The following ELP4 variants were observed in gnomAD, a reference collection of about 807,000 sequenced individuals.
The protein encoded by ELP4 is elongator complex protein 4.
A neutral mutation model predicts 48.9 loss-of-function variants in ELP4; 51 were observed. The observed-to-expected ratio is 1.04, with a 90% CI of 0.83 to 1.32. ELP4 has a LOEUF of 1.32. Ranked by LOEUF, ELP4 falls within the 40% of genes most tolerant of loss-of-function variation. ELP4 has a pLI of 0.00. For synonymous variants in ELP4, 210 were observed against 189.2 expected, an observed-to-expected ratio of 1.11 and a Z score of -0.90; for missense variants, 519 against 514.6, an observed-to-expected ratio of 1.01 and a Z score of -0.08.
At chr11:31,749,268 A>G (rs1395574293) in intron 9 of ELP4, among the ~76,000 whole-genome samples, 1 of 152,256 alleles carries the variant, frequency 6.6e-6, no homozygotes, top group Non-Finnish European at 1.5e-5. Flanking sequence ...GGATGCAGTT[A>G]TCTTAAGTGT....
intron 9 of ELP4, among the ~76,000 whole-genome samples, chr11:31,773,174 G>T (rs1373623651): frequency 1.3e-5 from 2 of 152,208 alleles, no homozygotes; most frequent in Non-Finnish European, 2.9e-5. Context: ...TGCCAATACA[G>T]TTTCCTCAGG....
In ELP4 at chr11:31,603,829, A is replaced by C; in HGVS notation, c.575A>C (p.Gln192Pro). 1.2e-6 allele frequency: 2 copies of C among 1,611,612 alleles called. No homozygotes were observed. The highest frequency in any genetic ancestry group is 1.7e-6 in the Non-Finnish European group (2 of 1,178,312). ...HYYDASKRMP[Q>P]ELIEASNWHG... ...TATGATGCATCAAAAAGAATGCCACAAGAACTAATTGAGGCTTCAAATTGG... is the reference window on the plus strand; with the variant it reads ...TATGATGCATCAAAAAGAATGCCACCAGAACTAATTGAGGCTTCAAATTGG... Residue 192 changes from glutamine (Q) to proline (P), a missense_variant, in exon 5 of 10, where the codon CAA (glutamine) becomes CCA (proline). Physicochemically the swap from Gln to Pro is moderately conservative, Grantham distance 76. Coordinates refer to ENST00000640961, the MANE Select transcript of ELP4 (RefSeq NM_019040.5).
chr11:31,560,674 T>C (rs1295753362), intron 3 of ELP4, among the ~76,000 whole-genome samples: 5 of 67,994 alleles, frequency 7.4e-5, no homozygotes, highest in Non-Finnish European at 1.7e-4. Context: ...TTTTCTATTA[T>C]AAAGACCACA....
rs192560790 is a variant in ELP4 at position 31,711,642 on chromosome 11, T to A, written c.1143+61421T>A. Among the ~76,000 whole-genome samples, 297 of 152,258 alleles carry A rather than the reference T, an allele frequency of 2.0e-3. 1 individual carries two copies. Among genetic ancestry groups the A allele is most frequent in the African/African-American group, 6.8e-3 (282 of 41,562 alleles). ...TATGTGTATAGATTTAGAAAGCTTA[T>A]GATGATAAAGATAAATATGTACCTC... On this transcript the variant is annotated intron_variant, in intron 9 of 9. Transcript: ENST00000640961.
chr11:31,554,308 T>C (rs1956896952), intron 3 of ELP4, among the ~76,000 whole-genome samples: 1 of 152,188 alleles, frequency 6.6e-6, no homozygotes, highest in African/African-American at 2.4e-5. Flanking sequence ...GGTTGGGGAC[T>C]GCTGCGTTAA....
intron 9 of ELP4, chr11:31,763,675 CA>C (rs1947992126): frequency 9.9e-7 from 1 of 1,014,438 alleles, no homozygotes. Flanking sequence ...ACCTTTTTAC[CA>C]AAGATTAAAC....
chr11:31,655,148 A>G (rs1481364589), intron 9 of ELP4, among the ~76,000 whole-genome samples: 2 of 152,122 alleles, frequency 1.3e-5, no homozygotes, highest in Admixed American at 1.3e-4. Context: ...TATTCATTAT[A>G]TTATCATTCT....
At chr11:31,590,305 A>G (rs1957546990) in intron 3 of ELP4, among the ~76,000 whole-genome samples, 1 of 152,182 alleles carries the variant, frequency 6.6e-6, no homozygotes, top group Non-Finnish European at 1.5e-5. Flanking sequence ...TCCACAAAAA[A>G]CTAGACCAGG....
intron 3 of ELP4, among the ~76,000 whole-genome samples, chr11:31,571,962 G>A (rs919411825): frequency 6.6e-6 from 1 of 152,174 alleles, no homozygotes; most frequent in African/African-American, 2.4e-5. Context: ...TAGGATTTTG[G>A]AATGATAAGT....
At chr11:31,755,113 C>T (rs1368763221) in intron 9 of ELP4, among the ~76,000 whole-genome samples, 5 of 152,152 alleles carry the variant, frequency 3.3e-5, no homozygotes, top group African/African-American at 9.7e-5. Context: ...AGAAAACCCA[C>T]AGGAGCCAGC....
chr11:31,592,935 A>G (rs1188192593), intron 3 of ELP4, among the ~76,000 whole-genome samples: 3 of 152,208 alleles, frequency 2.0e-5, no homozygotes, highest in Non-Finnish European at 2.9e-5. Flanking sequence ...ATAAGAGGAC[A>G]GTGTGATATA....
rs1286648113 is a variant in ELP4, at chr11:31,707,926, C to T, written c.1143+57705C>T. On this transcript the variant is annotated intron_variant, in intron 9 of 9. Transcript: ENST00000640961. Reference sequence around the variant, plus strand: ...ATATTGTGCCCAGGGCAATCATTTCCCCATTTCAGGATCCCTAATCACATA... The same window carrying T: ...ATATTGTGCCCAGGGCAATCATTTCTCCATTTCAGGATCCCTAATCACATA... 3.3e-5 allele frequency among the ~76,000 whole-genome samples: 5 copies of T among 152,236 alleles called. No individual in the cohort carries two copies. The East Asian group carries it at 7.7e-4, about 24-fold the overall frequency.
At chr11:31,707,279 G>A in intron 9 of ELP4, 2 of 325,624 alleles carry the variant, frequency 6.1e-6, no homozygotes, top group Non-Finnish European at 1.1e-5. Context: ...TACAGTTCAT[G>A]TTACTAGCAA....
intron 9 of ELP4, among the ~76,000 whole-genome samples, chr11:31,661,075 A>G (rs75251899): frequency 0.029 from 4,354 of 152,158 alleles, 206 homozygotes; most frequent in African/African-American, 0.099. Context: ...AATGAAATAT[A>G]TTTGTTCAAC....
At chr11:31,526,107 A>G (rs542315099) in intron 2 of ELP4, among the ~76,000 whole-genome samples, 7 of 152,260 alleles carry the variant, frequency 4.6e-5, no homozygotes, top group Admixed American at 2.6e-4. Context: ...AGCCATTGAC[A>G]TGTATTGTAT....
chr11:31,683,161 A>T (rs11031448), intron 9 of ELP4, among the ~76,000 whole-genome samples: 13,900 of 152,066 alleles, frequency 0.091, 830 homozygotes, highest in East Asian at 0.18. Flanking sequence ...TTAGCCTGTA[A>T]TGTATTTTTA....
Position 31,536,794 on chromosome 11 carries a change from T to A in ELP4, c.260-2868T>A, listed in dbSNP as rs1310994403. Among the ~76,000 whole-genome samples, 3 of 152,220 alleles carry A rather than the reference T, an allele frequency of 2.0e-5. No homozygotes were observed. The East Asian group carries it at 5.8e-4, about 29-fold the overall frequency. On this transcript the variant is annotated intron_variant, in intron 2 of 9. Transcript: ENST00000640961. ...TTCATGTATCTTTTTTTGTAAAGCATGTGTTCACATCTTTTGCTCATTTTT... is the reference window on the plus strand; with the variant it reads ...TTCATGTATCTTTTTTTGTAAAGCAAGTGTTCACATCTTTTGCTCATTTTT...
At chr11:31,653,321 T>C (rs1169101824) in intron 9 of ELP4, 1 of 151,722 alleles carries the variant, frequency 6.6e-6, no homozygotes, top group Non-Finnish European at 1.5e-5. Flanking sequence ...CTTTGAAAAC[T>C]GGTGACTCTT....
intron 2 of ELP4, among the ~76,000 whole-genome samples, chr11:31,529,971 C>G (rs1956367335): frequency 6.6e-6 from 1 of 152,182 alleles, no homozygotes; most frequent in South Asian, 2.1e-4. Context: ...AGGGACATCT[C>G]TCTACCTGTG....
Sources: gnomAD v4.1 joint callset for allele counts (sites outside exome capture counted in the v4.1 genomes callset) on GRCh38, gnomAD v4.1.1 for gene constraint, MANE v1.5 for transcripts, NCBI Gene and HGNC (gene_info 2026-07-23, HGNC 2026-07-21) for gene names.